The following MPP7 variants were observed in gnomAD, a reference collection of about 807,000 sequenced individuals.
MPP7 encodes the protein MAGUK p55 scaffold protein 7.
In MPP7, 60 loss-of-function variants were observed where a neutral mutation model predicts 76.5. The ratio of observed to expected loss-of-function variants is 0.78; its 90% CI spans 0.64 to 0.97. The LOEUF (loss-of-function observed/expected upper bound fraction) is 0.97, where lower values mean the gene tolerates loss of function less well. MPP7 is among the 50% of genes least tolerant of loss of function. The pLI is 0.00. For synonymous variants in MPP7, 237 were observed against 244.5 expected, an observed-to-expected ratio of 0.97 and a Z score of 0.29; for missense variants, 641 against 694.0, an observed-to-expected ratio of 0.92 and a Z score of 0.86.
At chr10:28,209,587 T>C (rs1235385664) in intron 2 of MPP7, among the ~76,000 whole-genome samples, 5 of 152,212 alleles carry the variant, frequency 3.3e-5, no homozygotes, top group African/African-American at 7.2e-5. Context: ...GAAAAATATT[T>C]AGTGATTAGT....
At chr10:28,130,343 G>T (rs1186073237) in intron 6 of MPP7, among the ~76,000 whole-genome samples, 1 of 152,098 alleles carries the variant, frequency 6.6e-6, no homozygotes, top group East Asian at 1.9e-4. Flanking sequence ...TTGCTCTATA[G>T]GATACAGGGC....
At chr10:28,311,217 C>A (rs923351406) in intron 2 of MPP7, among the ~76,000 whole-genome samples, 2 of 152,072 alleles carry the variant, frequency 1.3e-5, no homozygotes, top group African/African-American at 4.8e-5. Flanking sequence ...ATTTGGCAAC[C>A]CTTCAAGATT....
intron 4 of MPP7, among the ~76,000 whole-genome samples, chr10:28,148,987 A>T (rs1052899696): frequency 6.6e-5 from 10 of 152,232 alleles, no homozygotes; most frequent in African/African-American, 2.4e-4. Context: ...AAGCTTCCTC[A>T]TTAAATATAT....
intron 1 of MPP7, among the ~76,000 whole-genome samples, chr10:28,240,756 T>A (rs1474155954): frequency 6.6e-6 from 1 of 151,764 alleles, no homozygotes; most frequent in Non-Finnish European, 1.5e-5. Flanking sequence ...GTTCCTTATA[T>A]AAAGCAAGGC....
At chr10:28,189,666 T>C (rs576717212) in intron 3 of MPP7, among the ~76,000 whole-genome samples, 1 of 142,724 alleles carries the variant, frequency 7.0e-6, no homozygotes, top group East Asian at 2.0e-4. Flanking sequence ...AAAAATTAAG[T>C]ATAATTGATT....
upstream of MPP7, among the ~76,000 whole-genome samples, chr10:28,304,736 C>T (rs1841239501): frequency 6.6e-6 from 1 of 152,116 alleles, no homozygotes; most frequent in Admixed American, 6.5e-5. Flanking sequence ...AGGGAATACC[C>T]TTCAAAAGTT....
chr10:28,190,772 A>G (rs571985488), intron 3 of MPP7, among the ~76,000 whole-genome samples: 7 of 152,230 alleles, frequency 4.6e-5, no homozygotes, highest in Admixed American at 2.6e-4. Flanking sequence ...GAGCAAGTAG[A>G]AGAAAAGAAA....
intron 3 of MPP7, among the ~76,000 whole-genome samples, chr10:28,193,718 A>G (rs901521934): frequency 6.6e-6 from 1 of 152,190 alleles, no homozygotes; most frequent in African/African-American, 2.4e-5. Flanking sequence ...AAGCTCAACA[A>G]CAGGAATATA....
chr10:28,317,293 C>T (rs976055923), intron 2 of MPP7, among the ~76,000 whole-genome samples: 1 of 152,092 alleles, frequency 6.6e-6, no homozygotes, highest in South Asian at 2.1e-4. Flanking sequence ...TTTGGGAGGC[C>T]AGGATGGGAG....
chr10:28,291,229 C>T (rs891448267), intron 1 of MPP7, among the ~76,000 whole-genome samples: 19 of 152,332 alleles, frequency 1.2e-4, no homozygotes, highest in African/African-American at 4.3e-4. Context: ...AATACAGCAA[C>T]TGCTATAACC....
chr10:28,122,570 C>T (rs991065646), intron 8 of MPP7, among the ~76,000 whole-genome samples: 2 of 152,178 alleles, frequency 1.3e-5, no homozygotes, highest in African/African-American at 4.8e-5. Context: ...TAGGCATTAT[C>T]AAGCTTTCCA....
At chr10:28,307,063 C>A (rs1273872875), upstream of MPP7, among the ~76,000 whole-genome samples, 2 of 152,174 alleles carry the variant, frequency 1.3e-5, no homozygotes, top group Non-Finnish European at 2.9e-5. Flanking sequence ...CAGGGCCCAT[C>A]CCTGTTTATG....
At chr10:28,097,262 A>T (rs978784677) in intron 11 of MPP7, among the ~76,000 whole-genome samples, 2 of 152,178 alleles carry the variant, frequency 1.3e-5, no homozygotes, top group African/African-American at 2.4e-5. Flanking sequence ...GTTTACAGGC[A>T]TGAGCCACCA....
intron 1 of MPP7, among the ~76,000 whole-genome samples, chr10:28,248,054 T>C (rs1259106686): frequency 2.6e-5 from 4 of 152,162 alleles, no homozygotes; most frequent in African/African-American, 9.7e-5. Context: ...AAGAGTTATG[T>C]AAAGACGGAG....
chr10:28,272,423 G>A (rs868304613), intron 1 of MPP7, among the ~76,000 whole-genome samples: 2 of 152,116 alleles, frequency 1.3e-5, no homozygotes, highest in African/African-American at 2.4e-5. Flanking sequence ...TATATTGTGT[G>A]TGCATATATA....
intron 2 of MPP7, among the ~76,000 whole-genome samples, chr10:28,209,082 T>C (rs1838043862): frequency 6.6e-6 from 1 of 152,158 alleles, no homozygotes; most frequent in African/African-American, 2.4e-5. Context: ...TATTGTAAGC[T>C]TCCTGAGGCC....
chr10:28,316,282 C>T (rs1229040959), intron 2 of MPP7, among the ~76,000 whole-genome samples: 2 of 151,450 alleles, frequency 1.3e-5, no homozygotes, highest in South Asian at 2.1e-4. Flanking sequence ...ACTAAAATTA[C>T]AAAAATTAGC....
At chr10:28,187,447 C>CG in intron 3 of MPP7, among the ~76,000 whole-genome samples, 1 of 152,304 alleles carries the variant, frequency 6.6e-6, no homozygotes, top group Non-Finnish European at 1.5e-5. Context: ...GGCCAAGGAG[C>CG]GTTACCAGCT....
At chr10:28,163,809 G>T (rs762752693) in intron 3 of MPP7, among the ~76,000 whole-genome samples, 47 of 151,478 alleles carry the variant, frequency 3.1e-4, no homozygotes, top group Non-Finnish European at 1.0e-4. Context: ...TTAGCCGGGC[G>T]TGATGGCAGG....
Sources: gnomAD v4.1 joint callset for allele counts (sites outside exome capture counted in the v4.1 genomes callset) on GRCh38, gnomAD v4.1.1 for gene constraint, MANE v1.5 for transcripts, NCBI Gene and HGNC (gene_info 2026-07-23, HGNC 2026-07-21) for gene names.